PIWIL4: variants seen among roughly 807,000 people sequenced by gnomAD.
The protein encoded by PIWIL4 is piwi-like protein 4.
In PIWIL4, 50 loss-of-function variants were observed where a neutral mutation model predicts 100.9. The observed-to-expected ratio is 0.50, with a 90% CI of 0.39 to 0.63. PIWIL4 has a LOEUF of 0.63. PIWIL4 is among the 20% of genes least tolerant of loss of function. PIWIL4 has a pLI of 0.00. For synonymous variants in PIWIL4, 342 were observed against 367.5 expected (o/e 0.93, Z 0.79); for missense variants, 887 against 1,043.3 (o/e 0.85, Z 2.06).
At chr11:94,568,893 C>A in intron 2 of PIWIL4, 85 bp downstream of exon 2, 2 of 1,163,902 alleles carry the variant, frequency 1.7e-6, no homozygotes, top group South Asian at 1.3e-5. Flanking sequence ...AGCAGTAGGC[C>A]CACCTCTTGC....
intron 10 of PIWIL4, among the ~76,000 whole-genome samples, chr11:94,595,688 G>A (rs563106934): frequency 5.3e-5 from 8 of 152,152 alleles, no homozygotes; most frequent in Non-Finnish European, 1.0e-4. Flanking sequence ...TTGAAGTCTG[G>A]ATAAAATGTT....
intron 15 of PIWIL4, among the ~76,000 whole-genome samples, chr11:94,610,493 A>T (rs1565282966): frequency 6.6e-6 from 1 of 151,968 alleles, no homozygotes; most frequent in African/African-American, 2.4e-5. Flanking sequence ...ATTTTTCCAC[A>T]TTCTCCCTAA....
chr11:94,607,686 TTTAAAGA>T, intron 14 of PIWIL4, 47 bp downstream of exon 14: 5 of 1,528,510 alleles, frequency 3.3e-6, no homozygotes, highest in African/African-American at 2.8e-5. Flanking sequence ...ATAAATTTAT[TTTAAAGA>T]TTAAAGTAGG....
At chr11:94,617,180 T>C (rs1189179763) in intron 16 of PIWIL4, among the ~76,000 whole-genome samples, 1 of 151,858 alleles carries the variant, frequency 6.6e-6, no homozygotes, top group East Asian at 1.9e-4. Flanking sequence ...AAAATGAATT[T>C]GCTTATACAT....
At chr11:94,572,761 T>C (rs1410822384) in intron 2 of PIWIL4, among the ~76,000 whole-genome samples, 1 of 152,250 alleles carries the variant, frequency 6.6e-6, no homozygotes, top group Non-Finnish European at 1.5e-5. Flanking sequence ...AGGATTGTCT[T>C]GGCAATGTGC....
At chr11:94,588,345 T>C (rs997906309) in intron 7 of PIWIL4, among the ~76,000 whole-genome samples, 24 of 152,340 alleles carry the variant, frequency 1.6e-4, no homozygotes, top group African/African-American at 5.3e-4. Flanking sequence ...GTTAGCTTTC[T>C]ATTCTGGCTT....
Position 94,601,926 on chromosome 11 carries a change from C to T in PIWIL4, c.1512C>T (p.Asn504=). The stretch of plus-strand genomic sequence containing the variant: ...AATATGTTGCCGAGAGCTTTCTGAA[C>T]TGCTTGAGAAGAGTTGCAGGTTCCA... ...RTEYVAESFL[N]CLRRVAGSMG... The change falls in exon 12 of 20, where the codon AAC becomes AAT. Residue 504 remains asparagine, a synonymous_variant. Transcript: ENST00000299001. 1 of 1,613,956 alleles carries T rather than the reference C, an allele frequency of 6.2e-7. No individual in the cohort carries two copies. Among genetic ancestry groups the T allele is most frequent in the Non-Finnish European group, 8.5e-7 (1 of 1,179,988 alleles).
At chr11:94,567,970 T>C (rs1025456837) in intron 1 of PIWIL4, among the ~76,000 whole-genome samples, 6 of 152,102 alleles carry the variant, frequency 3.9e-5, no homozygotes, top group Non-Finnish European at 7.3e-5. Flanking sequence ...TTCTGGCTAA[T>C]TAGTATATAA....
In PIWIL4 at chr11:94,567,448, TG is replaced by T; in HGVS notation, c.-70del. 7.4e-7 allele frequency: 1 copy of T among 1,360,468 alleles called. No individual in the cohort carries two copies. The highest frequency in any genetic ancestry group is 9.8e-7 in the Non-Finnish European group (1 of 1,024,188). The allele number at this position is 1,360,468 out of a possible 1,614,324, so 84.3% of individuals were successfully genotyped here. The stretch of plus-strand genomic sequence containing the variant: ...GTTTCGCCGTCACACCGTCGCCATC[TG>T]TAGCCAAAGCAAAACATATCCTAAC... On this transcript the variant is annotated 5_prime_UTR_variant, in exon 1 of 20. It removes the in-frame stop codon of an upstream open reading frame in the 5' UTR. Transcript: ENST00000299001.
In PIWIL4 at chr11:94,583,040, ATATATGTG is replaced by A. The variant is rs933874103; in HGVS notation, c.514-406_514-399del. Among the ~76,000 whole-genome samples the A allele has an allele frequency of 5.1e-5, 6 of 118,202 alleles. No homozygotes were observed. The South Asian group carries it at 1.7e-3, about 33-fold the overall frequency. The allele number at this position is 118,202 out of a possible 152,430, so 77.5% of individuals were successfully genotyped here. A position where few individuals can be genotyped will look rare whatever the true frequency, so the allele number is the denominator to read the frequency against. On this transcript the variant is annotated intron_variant, in intron 4 of 19. Coordinates refer to ENST00000299001, the MANE Select transcript of PIWIL4 (RefSeq NM_152431.3). Reference sequence around the variant, plus strand: ...ACACTGTTGTGGTGTGTGTATATATATATATGTGTGTGTGTGTGTGTGTGTGTGTGTGT... The same window carrying A: ...ACACTGTTGTGGTGTGTGTATATATATGTGTGTGTGTGTGTGTGTGTGTGT...
At chr11:94,620,238 C>T in intron 19 of PIWIL4, 94 bp downstream of exon 19, 2 of 1,287,582 alleles carry the variant, frequency 1.6e-6, no homozygotes, top group Non-Finnish European at 2.1e-6. Context: ...CTAGATATAG[C>T]ACAATACCTG....
chr11:94,612,175 G>T (rs571786126), intron 15 of PIWIL4, among the ~76,000 whole-genome samples: 1 of 135,180 alleles, frequency 7.4e-6, no homozygotes, highest in African/African-American at 2.6e-5. Context: ...TTATTGTATT[G>T]CTGTTTCTCT....
chr11:94,612,218 G>GATCT (rs2135299780), intron 15 of PIWIL4, among the ~76,000 whole-genome samples: 1 of 151,728 alleles, frequency 6.6e-6, no homozygotes, highest in Non-Finnish European at 1.5e-5. Context: ...TATATATTTA[G>GATCT]ATGCTCAACT....
intron 17 of PIWIL4, among the ~76,000 whole-genome samples, chr11:94,619,107 G>A (rs1042135608): frequency 6.6e-6 from 1 of 152,126 alleles, no homozygotes; most frequent in Non-Finnish European, 1.5e-5. Context: ...GAAAACGTTC[G>A]TGATAAATTT....
chr11:94,595,515 G>A, intron 10 of PIWIL4, 89 bp downstream of exon 10: 1 of 1,028,464 alleles, frequency 9.7e-7, no homozygotes, highest in Non-Finnish European at 1.4e-6. Flanking sequence ...TGAAGGAAAT[G>A]TGTCATTCAT....
intron 15 of PIWIL4, among the ~76,000 whole-genome samples, chr11:94,610,392 T>A (rs1166952104): frequency 6.6e-6 from 1 of 152,124 alleles, no homozygotes; most frequent in Admixed American, 6.6e-5. Context: ...CATATAGTAG[T>A]TCTACTTGAA....
intron 15 of PIWIL4, among the ~76,000 whole-genome samples, chr11:94,611,867 A>G (rs1280817234): frequency 2.0e-5 from 3 of 152,208 alleles, no homozygotes; most frequent in Non-Finnish European, 4.4e-5. Flanking sequence ...CCATGCGTCA[A>G]ATAAACCTTT....
rs1212555316 is a variant in PIWIL4, at chr11:94,595,393, AGC to A, written c.1238_1239del (p.Arg413ProfsTer17). ...CGTCTCAGTCCTTCAGGCCGGCAGC[AGC>A]GCCTGGCCAGGCTTGTGGACAACAT... On this transcript the variant is annotated frameshift_variant, in exon 10 of 20. Coordinates refer to ENST00000299001, the MANE Select transcript of PIWIL4 (RefSeq NM_152431.3). LOFTEE classifies it high-confidence loss of function. The A allele has an allele frequency of 6.2e-7, 1 of 1,613,824 alleles. No individual in the cohort carries two copies. Among genetic ancestry groups the A allele is most frequent in the Non-Finnish European group, 8.5e-7 (1 of 1,179,872 alleles).
intron 3 of PIWIL4, among the ~76,000 whole-genome samples, chr11:94,576,280 A>G (rs11020837): frequency 0.23 from 34,854 of 152,078 alleles, 4,353 homozygotes; most frequent in East Asian, 0.29. Flanking sequence ...AATTACAGGC[A>G]TGGGCCACCA....
Sources: allele counts gnomAD v4.1 joint callset (sites outside exome capture counted in the v4.1 genomes callset), GRCh38; gene constraint gnomAD v4.1.1; transcripts MANE v1.5; gene names NCBI Gene and HGNC (gene_info 2026-07-23, HGNC 2026-07-21).